C1orf21: variants seen among roughly 807,000 people sequenced by gnomAD.
C1orf21 encodes the protein chromosome 1 open reading frame 21.
A neutral mutation model predicts 18.7 loss-of-function variants in C1orf21; 3 were observed. The observed-to-expected ratio is 0.16, with a 90% CI of 0.07 to 0.42. The LOEUF is 0.42. Ranked by LOEUF, C1orf21 falls within the 10% of genes least tolerant of loss-of-function variation. The pLI is 0.99. For missense variants in C1orf21, 104 were observed against 143.6 expected (o/e 0.72, Z 1.41); for synonymous variants, 41 against 46.4 (o/e 0.88, Z 0.47).
At chr1:184,419,745 G>A (rs1489674607) in intron 1 of C1orf21, among the ~76,000 whole-genome samples, 3 of 152,162 alleles carry the variant, frequency 2.0e-5, no homozygotes, top group Non-Finnish European at 4.4e-5. Flanking sequence ...AGTTAGCCAT[G>A]CAGCTATTTG....
intron 3 of C1orf21, chr1:184,566,760 C>T: frequency 2.5e-6 from 1 of 397,958 alleles, no homozygotes; most frequent in Non-Finnish European, 5.1e-6. Flanking sequence ...GCAGGAAAGG[C>T]TGGCTGGTGT....
intron 2 of C1orf21, among the ~76,000 whole-genome samples, chr1:184,495,662 G>A (rs12130196): frequency 0.23 from 34,740 of 151,848 alleles, 4,125 homozygotes; most frequent in Admixed American, 0.31. Context: ...TGGCTCATGC[G>A]TGTAATTCCA....
rs1451501307 is a variant in C1orf21 at position 184,622,339 on chromosome 1, C to G, written c.*2783C>G. On this transcript the variant is annotated 3_prime_UTR_variant, in exon 6 of 6. Transcript: ENST00000235307. ...GTCCGGGGTGAAATTGGAAATCCAG[C>G]TGCCTAGTGGCCAGTGGGTGGGGCA... The G allele has an allele frequency of 6.6e-6, 1 of 152,404 alleles. No homozygotes were observed. The highest frequency in any genetic ancestry group is 1.5e-5 in the Non-Finnish European group (1 of 68,104). The allele number at this position is 152,404 out of a possible 1,614,324, so 9.4% of individuals were successfully genotyped here.
At chr1:184,474,609 A>G (rs1307768898) in intron 1 of C1orf21, among the ~76,000 whole-genome samples, 1 of 152,324 alleles carries the variant, frequency 6.6e-6, no homozygotes, top group East Asian at 1.9e-4. Context: ...CTTTGATAGC[A>G]TAAGAGGCTG....
intron 2 of C1orf21, among the ~76,000 whole-genome samples, chr1:184,504,603 C>A (rs1297870330): frequency 6.6e-6 from 1 of 152,204 alleles, no homozygotes; most frequent in Non-Finnish European, 1.5e-5. Context: ...ATGTCTGTTT[C>A]CAGATGGATA....
intron 1 of C1orf21, among the ~76,000 whole-genome samples, chr1:184,476,596 C>G (rs1399635288): frequency 1.3e-5 from 2 of 152,196 alleles, no homozygotes; most frequent in Non-Finnish European, 2.9e-5. Flanking sequence ...TGAAGATTAT[C>G]TCTTTTGCAG....
At chr1:184,564,086 C>T (rs909847599) in intron 3 of C1orf21, among the ~76,000 whole-genome samples, 8 of 152,158 alleles carry the variant, frequency 5.3e-5, no homozygotes, top group African/African-American at 1.7e-4. Context: ...GGATCTACAG[C>T]CTGCGCTCTG....
chr1:184,515,589 G>T (rs1017345164), intron 3 of C1orf21, among the ~76,000 whole-genome samples: 1 of 152,128 alleles, frequency 6.6e-6, no homozygotes, highest in Non-Finnish European at 1.5e-5. Context: ...AAGTATTTTG[G>T]CAGATAAAGG....
At chr1:184,520,232 T>C (rs1658288203) in intron 3 of C1orf21, among the ~76,000 whole-genome samples, 1 of 152,224 alleles carries the variant, frequency 6.6e-6, no homozygotes, top group South Asian at 2.1e-4. Context: ...TGTTCGAGTG[T>C]AATGGTACAT....
At chr1:184,520,160 A>G (rs1658285944) in intron 3 of C1orf21, among the ~76,000 whole-genome samples, 1 of 152,196 alleles carries the variant, frequency 6.6e-6, no homozygotes, top group African/African-American at 2.4e-5. Context: ...GAAAAGTAAA[A>G]CAATTGATAA....
chr1:184,463,185 G>A (rs1353141456), intron 1 of C1orf21, among the ~76,000 whole-genome samples: 1 of 151,916 alleles, frequency 6.6e-6, no homozygotes, highest in Admixed American at 6.6e-5. Context: ...GCTCAGCTAT[G>A]ACCTAGACTT....
At chr1:184,563,259 A>G (rs1658991095) in intron 3 of C1orf21, among the ~76,000 whole-genome samples, 1 of 152,244 alleles carries the variant, frequency 6.6e-6, no homozygotes, top group Non-Finnish European at 1.5e-5. Context: ...TCAAGTTCTT[A>G]AATGTGATAG....
chr1:184,430,322 C>G (rs1325608664), intron 1 of C1orf21, among the ~76,000 whole-genome samples: 1 of 152,170 alleles, frequency 6.6e-6, no homozygotes, highest in East Asian at 1.9e-4. Flanking sequence ...TTTGATGTGC[C>G]AGTGACTGTC....
intron 1 of C1orf21, among the ~76,000 whole-genome samples, chr1:184,457,884 G>A (rs1033293478): frequency 6.6e-6 from 1 of 152,078 alleles, no homozygotes; most frequent in African/African-American, 2.4e-5. Flanking sequence ...ATAAGTATTC[G>A]CTTATTTATA....
At chr1:184,595,203 T>C (rs1393638844) in intron 4 of C1orf21, among the ~76,000 whole-genome samples, 1 of 152,226 alleles carries the variant, frequency 6.6e-6, no homozygotes, top group Non-Finnish European at 1.5e-5. Context: ...ATGTGCAGGC[T>C]TTTGTAAGTG....
intron 1 of C1orf21, among the ~76,000 whole-genome samples, chr1:184,441,427 T>C (rs1172507671): frequency 1.3e-5 from 2 of 152,222 alleles, no homozygotes; most frequent in Non-Finnish European, 2.9e-5. Context: ...TTCACAGTCA[T>C]GACACAATTC....
chr1:184,507,571 C>CT lies in C1orf21; in HGVS notation c.95-10dup. On this transcript the variant is annotated splice_polypyrimidine_tract_variant and intron_variant, in intron 2 of 5. Coordinates refer to ENST00000235307, the MANE Select transcript of C1orf21 (RefSeq NM_030806.4). ...GGAAAAAAATTATAAAATGTGTTTT[C>CT]TTTTTTTGGCACTCAGATGAGTATA... 3 of 1,565,188 alleles carry CT rather than the reference C, an allele frequency of 1.9e-6. No homozygotes were observed. The highest frequency in any genetic ancestry group is 2.0e-5 in the Admixed American group (1 of 48,984).
At chr1:184,438,572 G>A (rs569546309) in intron 1 of C1orf21, among the ~76,000 whole-genome samples, 6 of 152,148 alleles carry the variant, frequency 3.9e-5, no homozygotes, top group Non-Finnish European at 5.9e-5. Flanking sequence ...GTTGCTCAAG[G>A]CCAGACATGG....
At chr1:184,562,988 G>A (rs1214626781) in intron 3 of C1orf21, among the ~76,000 whole-genome samples, 1 of 152,202 alleles carries the variant, frequency 6.6e-6, no homozygotes, top group Non-Finnish European at 1.5e-5. Context: ...AGCATAAGTG[G>A]TGCTCTGCTT....
Sources: allele counts gnomAD v4.1 joint callset (sites outside exome capture counted in the v4.1 genomes callset), GRCh38; gene constraint gnomAD v4.1.1; transcripts MANE v1.5; gene names NCBI Gene and HGNC (gene_info 2026-07-23, HGNC 2026-07-21).